APBA2: variants seen among roughly 807,000 people sequenced by gnomAD.
APBA2 encodes the protein amyloid beta precursor protein binding family A member 2.
APBA2 carries 30 observed loss-of-function variants against 75.0 expected under a neutral mutation model. That is an observed-to-expected ratio of 0.40 (90% CI 0.30 to 0.54). APBA2 has a LOEUF of 0.54. APBA2 is among the 20% of genes least tolerant of loss of function. The probability of loss-of-function intolerance (pLI) is 0.49; values close to 1 mark genes in which losing one functional copy is unlikely to be tolerated. For missense variants in APBA2, 801 were observed against 1,016.1 expected, an observed-to-expected ratio of 0.79 and a Z score of 2.88; for synonymous variants, 444 against 409.6, an observed-to-expected ratio of 1.08 and a Z score of -1.01.
At chr15:28,896,884 C>T (rs2032524637) in intron 1 of APBA2, among the ~76,000 whole-genome samples, 1 of 152,116 alleles carries the variant, frequency 6.6e-6, no homozygotes, top group Non-Finnish European at 1.5e-5. Flanking sequence ...TGATTTTTGT[C>T]CCACCCATCC....
chr15:29,103,455 G>C (rs561545869), intron 10 of APBA2, among the ~76,000 whole-genome samples: 2 of 152,222 alleles, frequency 1.3e-5, no homozygotes, highest in East Asian at 3.9e-4. Context: ...GGGGCCGGCA[G>C]GGCGACCCCT....
chr15:28,984,056 C>T (rs192228666), intron 2 of APBA2, among the ~76,000 whole-genome samples: 18 of 152,260 alleles, frequency 1.2e-4, no homozygotes, highest in African/African-American at 3.8e-4. Flanking sequence ...TGGTGTGAGG[C>T]GTGCCCTCGG....
intron 2 of APBA2, among the ~76,000 whole-genome samples, chr15:28,988,752 T>C (rs1033688063): frequency 6.6e-6 from 1 of 152,242 alleles, no homozygotes; most frequent in Non-Finnish European, 1.5e-5. Context: ...TTGTCTTGAG[T>C]ACTCAGGTAT....
chr15:29,090,152 C>G (rs1171203200), intron 6 of APBA2, among the ~76,000 whole-genome samples: 2 of 152,208 alleles, frequency 1.3e-5, no homozygotes, highest in African/African-American at 4.8e-5. Flanking sequence ...TTGTTTCTCG[C>G]TGAACAAAAG....
chr15:29,062,506 A>T (rs548643771), intron 4 of APBA2, among the ~76,000 whole-genome samples: 18 of 152,314 alleles, frequency 1.2e-4, no homozygotes, highest in African/African-American at 4.3e-4. Context: ...CTGAGTCAGC[A>T]CAGCTGCCTT....
chr15:28,933,935 G>A (rs1276772770), intron 2 of APBA2, among the ~76,000 whole-genome samples: 2 of 152,216 alleles, frequency 1.3e-5, no homozygotes, highest in African/African-American at 2.4e-5. Context: ...ACTGTGTGCC[G>A]AGGCTGCAGG....
intron 1 of APBA2, among the ~76,000 whole-genome samples, chr15:28,905,025 T>G (rs1308949555): frequency 2.0e-5 from 3 of 152,198 alleles, no homozygotes; most frequent in African/African-American, 7.2e-5. Context: ...CTTATTTTGC[T>G]GGTGATCTGG....
chr15:29,115,184 C>G (rs909164130), intron 14 of APBA2, among the ~76,000 whole-genome samples: 1 of 133,292 alleles, frequency 7.5e-6, no homozygotes, highest in African/African-American at 2.8e-5. Context: ...CAGGCCGGGC[C>G]GTCTGTGGTG....
intron 3 of APBA2, among the ~76,000 whole-genome samples, chr15:29,018,687 G>A (rs2039800663): frequency 6.6e-6 from 1 of 152,186 alleles, no homozygotes. Context: ...GGGCTCTCAT[G>A]AAGCCAACTG....
At chr15:28,922,377 G>A (rs1457774764) in intron 2 of APBA2, among the ~76,000 whole-genome samples, 2 of 152,202 alleles carry the variant, frequency 1.3e-5, no homozygotes, top group African/African-American at 2.4e-5. Context: ...GACACTGGTG[G>A]CCACCACAGT....
At chr15:29,088,158 G>A (rs531517535) in intron 6 of APBA2, among the ~76,000 whole-genome samples, 4 of 152,216 alleles carry the variant, frequency 2.6e-5, no homozygotes, top group Admixed American at 6.5e-5. Flanking sequence ...AGGTCTCCTT[G>A]TAGTTGGCCT....
Position 28,920,472 on chromosome 15 carries a change from G to A in APBA2, c.-204-1168G>A, listed in dbSNP as rs2033914821. 3.9e-5 allele frequency among the ~76,000 whole-genome samples: 6 copies of A among 152,348 alleles called. No homozygotes were observed. In the South Asian group the frequency reaches 1.0e-3, roughly 26 times the overall value. On this transcript the variant is annotated intron_variant, in intron 1 of 14. Transcript: ENST00000683413. ...GCCCCATTAGAGTCCCTGGCTCTTGGTGTGCCTTTCATGCCCACACCACGG... is the reference window on the plus strand; with the variant it reads ...GCCCCATTAGAGTCCCTGGCTCTTGATGTGCCTTTCATGCCCACACCACGG...
intron 6 of APBA2, among the ~76,000 whole-genome samples, chr15:29,086,344 C>CGATCCACA (rs2043290486): frequency 1.3e-5 from 2 of 152,310 alleles, no homozygotes; most frequent in South Asian, 4.1e-4. Flanking sequence ...CCCAGATTCC[C>CGATCCACA]GATCCACAGA....
chr15:29,063,683 A>G lies in APBA2; in HGVS notation c.951+8848A>G, dbSNP rs1031374963. 6.1e-4 allele frequency among the ~76,000 whole-genome samples: 80 copies of G among 131,708 alleles called. 2 individuals are homozygous for G. The South Asian group carries it at 0.01, about 17-fold the overall frequency. The allele number at this position is 131,708 out of a possible 152,430, so 86.4% of individuals were successfully genotyped here. On this transcript the variant is annotated intron_variant, in intron 4 of 14. Transcript: ENST00000683413. Reference sequence around the variant, plus strand: ...TTGATCTGGGTCAGTGTCTGTATGGATGGTGCGGGGCATGGAGTGCTTGTG... The same window carrying G: ...TTGATCTGGGTCAGTGTCTGTATGGGTGGTGCGGGGCATGGAGTGCTTGTG...
At chr15:29,058,966 C>T (rs1031256929) in intron 4 of APBA2, among the ~76,000 whole-genome samples, 10 of 152,166 alleles carry the variant, frequency 6.6e-5, no homozygotes. Context: ...CCATTTGATC[C>T]TTACTATTCA....
Position 29,117,187 on chromosome 15 carries a change from A to T in APBA2, c.*54A>T, listed in dbSNP as rs1596027486. 3.8e-6 allele frequency: 6 copies of T among 1,567,548 alleles called. No individual in the cohort carries two copies. Among genetic ancestry groups the T allele is most frequent in the Non-Finnish European group, 5.3e-6 (6 of 1,139,634 alleles). ...ACACCGGGCAGGGCCGCCCGGGCCC[A>T]GAGGAGCTGGGAGCCGGGCCGCAGA... On this transcript the variant is annotated 3_prime_UTR_variant, in exon 15 of 15. Coordinates refer to ENST00000683413, the MANE Select transcript of APBA2 (RefSeq NM_001353788.2).
At chr15:28,984,762 C>G (rs7168295) in intron 2 of APBA2, among the ~76,000 whole-genome samples, 207 of 151,382 alleles carry the variant, frequency 1.4e-3, no homozygotes, top group African/African-American at 4.9e-3. Flanking sequence ...CTCTCCCCCC[C>G]CACCCCACTG....
intron 3 of APBA2, among the ~76,000 whole-genome samples, chr15:29,051,982 C>G (rs2152884202): frequency 6.6e-6 from 1 of 152,160 alleles, no homozygotes; most frequent in Middle Eastern, 3.4e-3. Context: ...TTAAAAATTG[C>G]AGTAAAATAG....
intron 4 of APBA2, among the ~76,000 whole-genome samples, chr15:29,057,285 A>G (rs2041941808): frequency 2.0e-5 from 3 of 152,216 alleles, no homozygotes. Context: ...TTTCAACAAG[A>G]TGCCACATTC....
Sources: allele counts gnomAD v4.1 joint callset (sites outside exome capture counted in the v4.1 genomes callset), GRCh38; gene constraint gnomAD v4.1.1; transcripts MANE v1.5; gene names NCBI Gene and HGNC (gene_info 2026-07-23, HGNC 2026-07-21).